The following FEZ2 variants were observed in gnomAD, a reference collection of about 807,000 sequenced individuals.
FEZ2 encodes fasciculation and elongation protein zeta 2.
Under a neutral mutation model 40.4 loss-of-function variants are expected in FEZ2, and 51 were observed. The observed-to-expected ratio is 1.26, with a 90% confidence interval of 1.01 to 1.59. FEZ2 has a LOEUF of 1.59. Ranked by LOEUF, FEZ2 falls within the 40% of genes most tolerant of loss-of-function variation. The pLI is 0.00. For missense variants in FEZ2, 640 were observed against 438.3 expected (o/e 1.46, Z -4.11); for synonymous variants, 242 against 172.0 (o/e 1.41, Z -3.18).
chr2:36,556,156 GA>G, intron 6 of FEZ2: 1 of 402,994 alleles, frequency 2.5e-6, no homozygotes, highest in Admixed American at 3.6e-5. Context: ...GCAAACTAGA[GA>G]AACTCTTAAA....
In FEZ2 at chr2:36,555,968, C is replaced by A. The variant is rs184531471; in HGVS notation, c.980-220G>T. 1.6e-3 allele frequency: 1,081 copies of A among 661,768 alleles called. 2 individuals are homozygous for A. The highest frequency in any genetic ancestry group is 2.6e-3 in the Non-Finnish European group (899 of 352,230). The allele number at this position is 661,768 out of a possible 1,614,324, so 41.0% of individuals were successfully genotyped here. On this transcript the variant is annotated intron_variant, in intron 6 of 7. Coordinates refer to ENST00000405912, the MANE Select transcript of FEZ2 (RefSeq NM_005102.3). ...AAGAATTTATTTTCGGTAAGAATAT[C>A]CCACTTACCTGAGAGTTGCTTCCCT...
chr2:36,554,043 C>T (rs1013791865), intron 7 of FEZ2: 6 of 312,132 alleles, frequency 1.9e-5, no homozygotes, highest in Middle Eastern at 1.1e-3. Context: ...CTACAGTCTC[C>T]ACTGTAGTCT....
At chr2:36,567,686 C>T (rs530666003) in intron 5 of FEZ2, among the ~76,000 whole-genome samples, 25 of 151,612 alleles carry the variant, frequency 1.6e-4, no homozygotes, top group Non-Finnish European at 3.1e-4. Flanking sequence ...CACTTGAACC[C>T]GGGAGGCGGA....
intron 6 of FEZ2, chr2:36,557,689 A>G (rs1667990970): frequency 6.6e-6 from 1 of 152,186 alleles, no homozygotes; most frequent in Non-Finnish European, 1.5e-5. Context: ...AGGTAAATAG[A>G]ACAAATATTT....
intron 1 of FEZ2, among the ~76,000 whole-genome samples, chr2:36,592,737 C>T (rs534651865): frequency 4.6e-5 from 7 of 152,088 alleles, no homozygotes; most frequent in Admixed American, 4.6e-4. Context: ...ACTGCTTAAG[C>T]CCAGGAGCTC....
chr2:36,580,929 G>A (rs754402865), intron 4 of FEZ2, among the ~76,000 whole-genome samples: 9 of 152,130 alleles, frequency 5.9e-5, no homozygotes, highest in South Asian at 2.1e-4. Context: ...TAAGGCGGGC[G>A]GATCATGAGG....
At chr2:36,573,002 C>G (rs1328098805) in intron 5 of FEZ2, among the ~76,000 whole-genome samples, 1 of 152,110 alleles carries the variant, frequency 6.6e-6, no homozygotes, top group Non-Finnish European at 1.5e-5. Context: ...TTTCTTTTCT[C>G]TACTACCGTT....
chr2:36,591,973 C>T (rs143494915), intron 1 of FEZ2, among the ~76,000 whole-genome samples: 296 of 152,272 alleles, frequency 1.9e-3, no homozygotes, highest in Non-Finnish European at 3.8e-3. Flanking sequence ...ACTCAAATTT[C>T]ACAACCAAAA....
intron 2 of FEZ2, among the ~76,000 whole-genome samples, chr2:36,587,930 A>G (rs1389589598): frequency 6.6e-6 from 1 of 152,206 alleles, no homozygotes; most frequent in Non-Finnish European, 1.5e-5. Context: ...TCTGATTTCA[A>G]TTCTATTCAT....
chr2:36,560,413 T>C (rs1405256194), intron 5 of FEZ2, among the ~76,000 whole-genome samples: 2 of 152,226 alleles, frequency 1.3e-5, no homozygotes, highest in African/African-American at 4.8e-5. Flanking sequence ...AAAAATGACA[T>C]CTTGCGACTT....
At chr2:36,594,373 T>C (rs1251756954) in intron 1 of FEZ2, 3 of 162,974 alleles carry the variant, frequency 1.8e-5, no homozygotes, top group Non-Finnish European at 3.9e-5. Context: ...GATAAAGACA[T>C]ACCCGAGACT....
At chr2:36,565,000 G>A (rs1668197225) in intron 5 of FEZ2, among the ~76,000 whole-genome samples, 1 of 152,192 alleles carries the variant, frequency 6.6e-6, no homozygotes, top group Non-Finnish European at 1.5e-5. Context: ...TGGACTTGAA[G>A]CTAGAAGCAG....
At chr2:36,554,416 C>T (rs183546940) in intron 7 of FEZ2, among the ~76,000 whole-genome samples, 11 of 152,168 alleles carry the variant, frequency 7.2e-5, no homozygotes, top group African/African-American at 2.4e-4. Context: ...GCCTAGGAAC[C>T]CGATATAATT....
chr2:36,578,737 CT>C lies in FEZ2; in HGVS notation c.762del (p.Val255Ter). 1 of 1,613,952 alleles carries C rather than the reference CT, an allele frequency of 6.2e-7. No individual in the cohort carries two copies. Among genetic ancestry groups the C allele is most frequent in the Non-Finnish European group, 8.5e-7 (1 of 1,179,884 alleles). On this transcript the variant is annotated frameshift_variant, in exon 5 of 8. Coordinates refer to ENST00000405912, the MANE Select transcript of FEZ2 (RefSeq NM_005102.3). LOFTEE classifies it high-confidence loss of function. Reference protein sequence around the residue: ...ALRDELEFEKEVKNSFISVLI... With the variant: ...ALRDELEFEKXVKNSFISVLI... ...AGAACAGAAATAAAGCTGTTTTTCACTTCCTTTTCAAACTCCAGTTCATCTC... is the reference window on the plus strand; with the variant it reads ...AGAACAGAAATAAAGCTGTTTTTCACTCCTTTTCAAACTCCAGTTCATCTC...
At chr2:36,592,276 ATTTTT>A (rs139748075) in intron 1 of FEZ2, among the ~76,000 whole-genome samples, 1 of 150,680 alleles carries the variant, frequency 6.6e-6, no homozygotes, top group African/African-American at 2.4e-5. Context: ...ATAAGAATGA[ATTTTT>A]TTTTTAAGTT....
intron 5 of FEZ2, among the ~76,000 whole-genome samples, chr2:36,564,626 G>A (rs960611376): frequency 6.6e-6 from 1 of 152,016 alleles, no homozygotes; most frequent in Non-Finnish European, 1.5e-5. Context: ...CTTTCTACTC[G>A]GACGCCAGAG....
At chr2:36,564,836 C>T (rs1374477429) in intron 5 of FEZ2, among the ~76,000 whole-genome samples, 1 of 152,180 alleles carries the variant, frequency 6.6e-6, no homozygotes, top group Non-Finnish European at 1.5e-5. Flanking sequence ...TGGAACACAG[C>T]ATCTATGGAA....
At chr2:36,582,828 A>T (rs1281921468) in intron 3 of FEZ2, among the ~76,000 whole-genome samples, 1 of 152,172 alleles carries the variant, frequency 6.6e-6, no homozygotes, top group Middle Eastern at 3.2e-3. Flanking sequence ...AATACAACAG[A>T]GGTGGGAAGA....
chr2:36,586,327 A>T (rs1459285240), intron 2 of FEZ2, among the ~76,000 whole-genome samples: 1 of 152,176 alleles, frequency 6.6e-6, no homozygotes, highest in Non-Finnish European at 1.5e-5. Context: ...ATAAATACTA[A>T]AAGTTTTAAT....
Sources: gnomAD v4.1 joint callset for allele counts (sites outside exome capture counted in the v4.1 genomes callset) on GRCh38, gnomAD v4.1.1 for gene constraint, MANE v1.5 for transcripts, NCBI Gene and HGNC (gene_info 2026-07-23, HGNC 2026-07-21) for gene names.